The following MALRD1 variants were observed in gnomAD, a reference collection of about 807,000 sequenced individuals.
The protein encoded by MALRD1 is MAM and LDL-receptor class A domain-containing protein 1.
MALRD1 carries 247 observed loss-of-function variants against 242.1 expected under a neutral mutation model. The ratio of observed to expected loss-of-function variants is 1.02; its 90% CI spans 0.92 to 1.13. The LOEUF (loss-of-function observed/expected upper bound fraction) is 1.13, where lower values mean the gene tolerates loss of function less well. MALRD1 is among the 50% of genes most tolerant of loss of function. The pLI is 0.00. For synonymous variants in MALRD1, 995 were observed against 866.6 expected, an observed-to-expected ratio of 1.15 and a Z score of -2.60; for missense variants, 2,989 against 2,533.1, an observed-to-expected ratio of 1.18 and a Z score of -3.86.
At chr10:19,331,021 A>G (rs1453139613) in intron 23 of MALRD1, among the ~76,000 whole-genome samples, 1 of 152,166 alleles carries the variant, frequency 6.6e-6, no homozygotes, top group Non-Finnish European at 1.5e-5. Context: ...TTTCCTGTGC[A>G]GTGATGCTCT....
Position 19,688,720 on chromosome 10 carries a change from G to C in MALRD1, c.6138-3562G>C, listed in dbSNP as rs527359471. On this transcript the variant is annotated intron_variant, in intron 36 of 39. Transcript: ENST00000454679. ...CTTTCACTGCTGTTGCTCAAAGAAT[G>C]GGTGGAACTTCAACACACCGTTCTA... Among the ~76,000 whole-genome samples the C allele has an allele frequency of 1.6e-3, 240 of 152,332 alleles. 1 individual carries two copies. Among genetic ancestry groups the C allele is most frequent in the African/African-American group, 5.3e-3 (219 of 41,590 alleles).
chr10:19,719,199 T>TATATACACACAC (rs1236130604), intron 38 of MALRD1, among the ~76,000 whole-genome samples: 3 of 31,688 alleles, frequency 9.5e-5, no homozygotes, highest in African/African-American at 4.1e-4. Flanking sequence ...TACATACATA[T>TATATACACACAC]ATATATATAT....
intron 13 of MALRD1, among the ~76,000 whole-genome samples, chr10:19,170,481 G>A (rs7903604): frequency 6.6e-6 from 1 of 152,130 alleles, no homozygotes; most frequent in Admixed American, 6.6e-5. Context: ...ACCATGTTCT[G>A]TCTTTATCGG....
chr10:19,577,213 G>A lies in MALRD1; in HGVS notation c.5680+9510G>A, dbSNP rs548975756. On this transcript the variant is annotated intron_variant, in intron 33 of 39. Transcript: ENST00000454679. ...GAATAGTGATAAATGTATAAAAGCC[G>A]AAAGGAAATGATTATCAGGCAATCC... is the stretch of plus-strand genomic sequence containing the variant. 8.1e-4 allele frequency among the ~76,000 whole-genome samples: 123 copies of A among 152,178 alleles called. 2 individuals are homozygous for A. The South Asian group carries it at 0.023, about 29-fold the overall frequency.
chr10:19,543,433 C>CTATTTTTTTTTTTTTTTT (rs778674889), intron 32 of MALRD1, among the ~76,000 whole-genome samples: 5 of 106,410 alleles, frequency 4.7e-5, no homozygotes, highest in African/African-American at 1.7e-4. Context: ...CAGCTGATTT[C>CTATTTTTTTTTTTTTTTT]TTTTTTTTTT....
intron 18 of MALRD1, among the ~76,000 whole-genome samples, chr10:19,246,826 A>G (rs1486444931): frequency 6.6e-6 from 1 of 152,154 alleles, no homozygotes. Flanking sequence ...TATATGTACA[A>G]AAATATGATG....
At chr10:19,225,118 A>G (rs2484092) in intron 18 of MALRD1, among the ~76,000 whole-genome samples, 121,259 of 152,086 alleles carry the variant, frequency 0.8, 48,583 homozygotes, top group East Asian at 1. Flanking sequence ...GTTTGTTTTC[A>G]TCAGGTGTGT....
chr10:19,530,374 T>C (rs1564417059), intron 31 of MALRD1, among the ~76,000 whole-genome samples: 1 of 90,364 alleles, frequency 1.1e-5, no homozygotes, highest in Non-Finnish European at 1.8e-5. Flanking sequence ...TAAATATTTA[T>C]ATAAATATTA....
At chr10:19,188,387 A>G (rs886911886) in intron 14 of MALRD1, among the ~76,000 whole-genome samples, 3 of 152,190 alleles carry the variant, frequency 2.0e-5, no homozygotes, top group African/African-American at 7.2e-5. Context: ...TTTTGATTGG[A>G]TGTTTTCAAG....
chr10:19,148,788 A>ATATATATATATATATATATATATAT (rs1554797975), intron 11 of MALRD1, among the ~76,000 whole-genome samples: 13 of 88,036 alleles, frequency 1.5e-4, no homozygotes, highest in Non-Finnish European at 2.7e-4. Flanking sequence ...AAAAAAAAAA[A>ATATATATATATATATATATATATAT]ATATATATAT....
chr10:19,726,726 A>G (rs1045373097), intron 38 of MALRD1, among the ~76,000 whole-genome samples: 1 of 152,248 alleles, frequency 6.6e-6, no homozygotes, highest in Non-Finnish European at 1.5e-5. Flanking sequence ...ATGAATAAAC[A>G]AAATGTGACA....
At chr10:19,439,611 A>T (rs936717027) in intron 28 of MALRD1, among the ~76,000 whole-genome samples, 1 of 152,188 alleles carries the variant, frequency 6.6e-6, no homozygotes, top group Non-Finnish European at 1.5e-5. Context: ...TTAAAAGTCA[A>T]AGTATTTAGA....
chr10:19,661,244 A>G (rs2131733196), intron 36 of MALRD1, among the ~76,000 whole-genome samples: 1 of 152,348 alleles, frequency 6.6e-6, no homozygotes. Flanking sequence ...TCAGGGATCT[A>G]GAACTAGAAA....
At chr10:19,730,857 AC>A in intron 39 of MALRD1, 76 bp downstream of exon 39, 3 of 1,277,844 alleles carry the variant, frequency 2.3e-6, no homozygotes, top group Non-Finnish European at 3.3e-6. Flanking sequence ...CACAGGCTGA[AC>A]CAGTGTTGCT....
At chr10:19,058,653 C>A (rs1046263082) in intron 1 of MALRD1, among the ~76,000 whole-genome samples, 1 of 152,014 alleles carries the variant, frequency 6.6e-6, no homozygotes, top group East Asian at 1.9e-4. Flanking sequence ...ACCAATAATT[C>A]TTTTCCAGGT....
chr10:19,056,805 G>C (rs1834682798), intron 1 of MALRD1, among the ~76,000 whole-genome samples: 1 of 152,152 alleles, frequency 6.6e-6, no homozygotes, highest in African/African-American at 2.4e-5. Context: ...TGTTAAGTAT[G>C]ATGTTTGCTC....
At chr10:19,339,806 G>A (rs909767091) in intron 24 of MALRD1, among the ~76,000 whole-genome samples, 5 of 152,070 alleles carry the variant, frequency 3.3e-5, no homozygotes, top group African/African-American at 4.8e-5. Flanking sequence ...TCATTCTCAC[G>A]CTGCTATAAA....
rs1002793725 is a variant in MALRD1, at chr10:19,310,284, C to T, written c.3420-13665C>T. On this transcript the variant is annotated intron_variant, in intron 21 of 39. Coordinates refer to ENST00000454679, the MANE Select transcript of MALRD1 (RefSeq NM_001142308.3). ...TTTAAGTAGGGCATGATTTTATGCA[C>T]GGGAGCCGCTTCATTGTTGAAATCT... Among the ~76,000 whole-genome samples, 6 of 151,402 alleles carry T rather than the reference C, an allele frequency of 4.0e-5. 1 individual carries two copies. The East Asian group carries it at 5.8e-4, about 15-fold the overall frequency.
chr10:19,535,291 T>C (rs770028879), intron 32 of MALRD1, among the ~76,000 whole-genome samples: 1 of 152,126 alleles, frequency 6.6e-6, no homozygotes, highest in Non-Finnish European at 1.5e-5. Flanking sequence ...ACGGAAACAC[T>C]GTAGAACAAT....
Sources: gnomAD v4.1 joint callset for allele counts (sites outside exome capture counted in the v4.1 genomes callset) on GRCh38, gnomAD v4.1.1 for gene constraint, MANE v1.5 for transcripts, NCBI Gene and HGNC (gene_info 2026-07-23, HGNC 2026-07-21) for gene names.